ZRANB3: variants seen among roughly 807,000 people sequenced by gnomAD.
The protein encoded by ZRANB3 is zinc finger RANBP2-type containing 3.
Under a neutral mutation model 133.8 loss-of-function variants are expected in ZRANB3, and 125 were observed. The observed-to-expected ratio is 0.93, with a 90% CI of 0.81 to 1.08. The LOEUF is 1.08. Among genes scored for constraint, ZRANB3 ranks in the 50% least tolerant of loss-of-function variants. The probability of loss-of-function intolerance (pLI) is 0.00; values close to 1 mark genes in which losing one functional copy is unlikely to be tolerated. For missense variants in ZRANB3, 1,229 were observed against 1,275.5 expected (o/e 0.96, Z 0.56); for synonymous variants, 387 against 432.7 (o/e 0.89, Z 1.31).
chr2:135,517,320 C>A (rs895070882), intron 1 of ZRANB3, among the ~76,000 whole-genome samples: 3 of 151,916 alleles, frequency 2.0e-5, no homozygotes, highest in African/African-American at 7.3e-5. Context: ...CCCTTGCTGG[C>A]GAGGAGTGAT....
chr2:135,367,934 G>T (rs1686009442), intron 3 of ZRANB3, among the ~76,000 whole-genome samples: 1 of 151,910 alleles, frequency 6.6e-6, no homozygotes, highest in Non-Finnish European at 1.5e-5. Flanking sequence ...ATAATAACAG[G>T]TTATTATTGA....
At chr2:135,323,623 G>T (rs6758362) in intron 6 of ZRANB3, among the ~76,000 whole-genome samples, 28,934 of 151,948 alleles carry the variant, frequency 0.19, 3,699 homozygotes, top group African/African-American at 0.34. Context: ...TCATCCCATC[G>T]GTCAAAAGAG....
At chr2:135,343,474 G>T (rs1684787511) in intron 6 of ZRANB3, among the ~76,000 whole-genome samples, 1 of 149,290 alleles carries the variant, frequency 6.7e-6, no homozygotes, top group African/African-American at 2.6e-5. Flanking sequence ...TCTGATTTTG[G>T]TATTAAGTGT....
At chr2:135,368,020 A>T (rs1686012867) in intron 3 of ZRANB3, among the ~76,000 whole-genome samples, 1 of 152,136 alleles carries the variant, frequency 6.6e-6, no homozygotes, top group African/African-American at 2.4e-5. Context: ...TATACATAGA[A>T]TATACTCAAA....
chr2:135,511,150 C>G, intron 1 of ZRANB3: 1 of 775,162 alleles, frequency 1.3e-6, no homozygotes, highest in Non-Finnish European at 2.4e-6. Context: ...GTAACTGGAA[C>G]AGCTCCACTG....
intron 3 of ZRANB3, among the ~76,000 whole-genome samples, chr2:135,388,307 T>A (rs1186181549): frequency 6.6e-6 from 1 of 152,166 alleles, no homozygotes; most frequent in Non-Finnish European, 1.5e-5. Flanking sequence ...GTAGCTACGA[T>A]TCAAGATGAG....
At chr2:135,420,111 ATATATATATATAT>A (rs1558988180) in intron 2 of ZRANB3, among the ~76,000 whole-genome samples, 5 of 143,238 alleles carry the variant, frequency 3.5e-5, no homozygotes, top group East Asian at 2.0e-4. Context: ...ATATATATAT[ATATATATATATAT>A]AACTTATAGA....
chr2:135,362,212 AAAG>A (rs1685726523), intron 3 of ZRANB3, among the ~76,000 whole-genome samples: 1 of 152,062 alleles, frequency 6.6e-6, no homozygotes, highest in Non-Finnish European at 1.5e-5. Context: ...AAAAAAAAAA[AAAG>A]AATAGAATAG....
At chr2:135,410,298 ATG>A (rs1184471283) in intron 2 of ZRANB3, among the ~76,000 whole-genome samples, 6 of 152,176 alleles carry the variant, frequency 3.9e-5, no homozygotes, top group Admixed American at 2.6e-4. Flanking sequence ...ACATAGACCA[ATG>A]GAACAGGATA....
chr2:135,375,697 A>C (rs1052353392), intron 3 of ZRANB3, among the ~76,000 whole-genome samples: 10 of 150,952 alleles, frequency 6.6e-5, no homozygotes, highest in East Asian at 1.9e-4. Context: ...AAAAAAAAAA[A>C]CCCACAAAGT....
At chr2:135,365,430 G>C (rs748054718) in intron 3 of ZRANB3, among the ~76,000 whole-genome samples, 2 of 152,142 alleles carry the variant, frequency 1.3e-5, no homozygotes, top group Non-Finnish European at 2.9e-5. Context: ...ATCAATTAAA[G>C]TGCTATATAT....
chr2:135,341,822 C>T lies in ZRANB3; in HGVS notation c.677+3728G>A, dbSNP rs145313265. 7.8e-3 allele frequency among the ~76,000 whole-genome samples: 1,178 copies of T among 150,122 alleles called. 127 individuals carry two copies. The highest frequency in any genetic ancestry group is 0.028 in the African/African-American group (1,104 of 39,452). On this transcript the variant is annotated intron_variant, in intron 6 of 20. Transcript: ENST00000264159. ...TGAAACACGCCCTGGTCTCCTGCAG[C>T]GCCCCCAGGCTTACTAGGATTAGGA...
At chr2:135,405,312 T>G (rs1687957300) in intron 2 of ZRANB3, among the ~76,000 whole-genome samples, 1 of 152,136 alleles carries the variant, frequency 6.6e-6, no homozygotes, top group Admixed American at 6.5e-5. Flanking sequence ...GCACCCAGAT[T>G]CATAAAGCAA....
intron 8 of ZRANB3, among the ~76,000 whole-genome samples, chr2:135,312,069 C>T (rs1412710477): frequency 6.6e-6 from 1 of 151,530 alleles, no homozygotes; most frequent in African/African-American, 2.4e-5. Flanking sequence ...GATGTTTATC[C>T]AACTATACAC....
At chr2:135,236,172 T>G (rs1329279102) in intron 12 of ZRANB3, among the ~76,000 whole-genome samples, 3 of 152,170 alleles carry the variant, frequency 2.0e-5, no homozygotes, top group African/African-American at 2.4e-5. Context: ...AAATCATGAG[T>G]GAACTCCCAT....
chr2:135,502,940 TCTCA>T (rs1042900037), intron 2 of ZRANB3, among the ~76,000 whole-genome samples: 1 of 152,098 alleles, frequency 6.6e-6, no homozygotes, highest in Non-Finnish European at 1.5e-5. Flanking sequence ...AATACATGAA[TCTCA>T]CTCAGTAAGA....
At chr2:135,291,847 T>C (rs1383940433) in intron 8 of ZRANB3, among the ~76,000 whole-genome samples, 2 of 152,036 alleles carry the variant, frequency 1.3e-5, no homozygotes, top group African/African-American at 4.8e-5. Context: ...CATGCGGTGT[T>C]TGGTTTTTTC....
intron 2 of ZRANB3, among the ~76,000 whole-genome samples, chr2:135,449,069 A>G (rs1690152426): frequency 6.6e-6 from 1 of 152,204 alleles, no homozygotes; most frequent in South Asian, 2.1e-4. Flanking sequence ...GTCATAAAAG[A>G]TAGTCTTCCC....
chr2:135,324,959 T>C (rs1045285814), intron 6 of ZRANB3, among the ~76,000 whole-genome samples: 2 of 152,202 alleles, frequency 1.3e-5, no homozygotes, highest in Admixed American at 6.6e-5. Flanking sequence ...TAAAATGTAA[T>C]ACTTATACCC....
Sources: gnomAD v4.1 joint callset for allele counts (sites outside exome capture counted in the v4.1 genomes callset) on GRCh38, gnomAD v4.1.1 for gene constraint, MANE v1.5 for transcripts, NCBI Gene and HGNC (gene_info 2026-07-23, HGNC 2026-07-21) for gene names.